Variants in FSTL5 observed in about 807,000 individuals in gnomAD.
FSTL5 encodes the protein follistatin like 5.
In FSTL5, 62 loss-of-function variants were observed where a neutral mutation model predicts 89.1. The ratio of observed to expected loss-of-function variants is 0.70; its 90% confidence interval spans 0.57 to 0.86. The LOEUF (loss-of-function observed/expected upper bound fraction) is 0.86. Among genes scored for constraint, FSTL5 ranks in the 40% least tolerant of loss-of-function variants. The pLI is 0.00. For missense variants in FSTL5, 1,057 were observed against 1,001.6 expected (o/e 1.06, Z -0.75); for synonymous variants, 383 against 346.2 (o/e 1.11, Z -1.18).
intron 3 of FSTL5, among the ~76,000 whole-genome samples, chr4:161,983,942 A>G (rs1735894580): frequency 6.6e-6 from 1 of 152,134 alleles, no homozygotes; most frequent in African/African-American, 2.4e-5. Context: ...ATTTCATGAA[A>G]TACACAATAT....
intron 2 of FSTL5, among the ~76,000 whole-genome samples, chr4:162,066,253 T>C (rs971443496): frequency 2.0e-5 from 3 of 151,708 alleles, no homozygotes; most frequent in Non-Finnish European, 4.4e-5. Context: ...TATTAAGAAT[T>C]TTGCCTATTT....
intron 6 of FSTL5, among the ~76,000 whole-genome samples, chr4:161,749,499 T>C (rs951937020): frequency 6.6e-6 from 1 of 152,036 alleles, no homozygotes; most frequent in Non-Finnish European, 1.5e-5. Context: ...CACATGGACA[T>C]AAAGAGAAAG....
At chr4:161,733,491 C>T (rs962029619) in intron 6 of FSTL5, among the ~76,000 whole-genome samples, 4 of 151,794 alleles carry the variant, frequency 2.6e-5, no homozygotes, top group South Asian at 4.2e-4. Flanking sequence ...CTTTCTATTG[C>T]CTTATTATTG....
At chr4:162,106,197 TAGTA>T (rs1175425781) in intron 2 of FSTL5, among the ~76,000 whole-genome samples, 3 of 152,238 alleles carry the variant, frequency 2.0e-5, no homozygotes, top group South Asian at 2.1e-4. Flanking sequence ...CATTTTGATT[TAGTA>T]AGTAAGAGAA....
intron 15 of FSTL5, among the ~76,000 whole-genome samples, chr4:161,405,187 C>CA (rs1731328685): frequency 6.6e-6 from 1 of 151,248 alleles, no homozygotes; most frequent in African/African-American, 2.4e-5. Flanking sequence ...GAGCCGAGAT[C>CA]ATGCTACTGC....
At chr4:161,495,403 T>G (rs764590992) in intron 12 of FSTL5, 2 of 152,290 alleles carry the variant, frequency 1.3e-5, no homozygotes, top group Non-Finnish European at 2.9e-5. Flanking sequence ...GTTTGACTTC[T>G]GAATCCATAA....
At chr4:161,451,489 G>T (rs1461519800) in intron 15 of FSTL5, among the ~76,000 whole-genome samples, 1 of 152,094 alleles carries the variant, frequency 6.6e-6, no homozygotes, top group African/African-American at 2.4e-5. Flanking sequence ...TAATCAACAG[G>T]GAGCCAGTTT....
chr4:162,046,712 A>G (rs1473576388), intron 2 of FSTL5, among the ~76,000 whole-genome samples: 1 of 152,180 alleles, frequency 6.6e-6, no homozygotes, highest in East Asian at 1.9e-4. Flanking sequence ...ATAAATCACT[A>G]ATGAAAAGAT....
chr4:162,049,598 T>C (rs79770297), intron 2 of FSTL5, among the ~76,000 whole-genome samples: 14,015 of 152,158 alleles, frequency 0.092, 772 homozygotes, highest in Non-Finnish European at 0.12. Flanking sequence ...GTCTCTTCCC[T>C]TCCTTTCTCT....
At chr4:162,157,149 A>G (rs1733507309) in intron 1 of FSTL5, among the ~76,000 whole-genome samples, 1 of 152,128 alleles carries the variant, frequency 6.6e-6, no homozygotes, top group African/African-American at 2.4e-5. Context: ...ATGATAAGAG[A>G]AAAATAGAGA....
At chr4:161,980,046 G>GAAA (rs1735770958) in intron 3 of FSTL5, among the ~76,000 whole-genome samples, 1 of 132,304 alleles carries the variant, frequency 7.6e-6, no homozygotes, top group East Asian at 2.2e-4. Flanking sequence ...ACAAAATGAA[G>GAAA]GAAAGAAAGA....
At chr4:161,748,590 T>C (rs1378137607) in intron 6 of FSTL5, among the ~76,000 whole-genome samples, 2 of 142,798 alleles carry the variant, frequency 1.4e-5, no homozygotes, top group Non-Finnish European at 1.5e-5. Context: ...ACTGAAATAA[T>C]GCAAAGGGGA....
chr4:162,055,399 A>G (rs1408481915), intron 2 of FSTL5, among the ~76,000 whole-genome samples: 3 of 151,728 alleles, frequency 2.0e-5, no homozygotes, highest in African/African-American at 7.3e-5. Flanking sequence ...GAATACATTT[A>G]GCAAAGTATC....
At chr4:162,053,140 C>CCTTTATTTTTTAAAAGTGA in intron 2 of FSTL5, among the ~76,000 whole-genome samples, 1 of 151,666 alleles carries the variant, frequency 6.6e-6, no homozygotes, top group Non-Finnish European at 1.5e-5. Flanking sequence ...TAGATTGATA[C>CCTTTATTTTTTAAAAGTGA]ACATTTATAA....
intron 6 of FSTL5, among the ~76,000 whole-genome samples, chr4:161,756,071 T>A (rs1740557808): frequency 6.6e-6 from 1 of 152,044 alleles, no homozygotes; most frequent in South Asian, 2.1e-4. Flanking sequence ...GCTTGACGCC[T>A]AGTTTAAATA....
intron 3 of FSTL5, among the ~76,000 whole-genome samples, chr4:161,986,935 A>G (rs1211443303): frequency 6.6e-6 from 1 of 152,194 alleles, no homozygotes; most frequent in Non-Finnish European, 1.5e-5. Flanking sequence ...ACTAAATCCT[A>G]AAAGTATGGT....
chr4:161,593,472 T>C (rs1733900418), intron 7 of FSTL5, among the ~76,000 whole-genome samples: 2 of 148,364 alleles, frequency 1.3e-5, no homozygotes, highest in South Asian at 4.3e-4. Flanking sequence ...ATGATAAAAA[T>C]CTTCTGACAG....
chr4:162,113,352 A>T (rs76013614), intron 1 of FSTL5, among the ~76,000 whole-genome samples: 21,670 of 151,946 alleles, frequency 0.14, 2,002 homozygotes, highest in Non-Finnish European at 0.19. Context: ...TACATTCCCA[A>T]ACTTTGCTTC....
At chr4:161,928,814 T>G (rs182440010) in intron 3 of FSTL5, among the ~76,000 whole-genome samples, 41 of 151,894 alleles carry the variant, frequency 2.7e-4, no homozygotes, top group Middle Eastern at 3.4e-3. Flanking sequence ...CGGATGTGTC[T>G]TTGCAAATAT....
Sources: allele counts gnomAD v4.1 joint callset (sites outside exome capture counted in the v4.1 genomes callset), GRCh38; gene constraint gnomAD v4.1.1; transcripts MANE v1.5; gene names NCBI Gene and HGNC (gene_info 2026-07-23, HGNC 2026-07-21).